BBOF1: variants seen among roughly 807,000 people sequenced by gnomAD.
BBOF1 encodes the protein basal body-orientation factor 1.
A neutral mutation model predicts 68.0 loss-of-function variants in BBOF1; 62 were observed. The observed-to-expected ratio is 0.91, with a 90% CI of 0.74 to 1.13. BBOF1 has a LOEUF of 1.13. Among genes scored for constraint, BBOF1 ranks in the 50% most tolerant of loss-of-function variants. The pLI is 0.00. For missense variants in BBOF1, 534 were observed against 600.1 expected (o/e 0.89, Z 1.15); for synonymous variants, 208 against 198.8 (o/e 1.05, Z -0.39).
intron 5 of BBOF1, among the ~76,000 whole-genome samples, chr14:74,041,852 C>A (rs1167725726): frequency 1.3e-5 from 2 of 152,168 alleles, no homozygotes; most frequent in Non-Finnish European, 2.9e-5. Context: ...GCCTGGCCAA[C>A]ATGGTGAAAC....
At position 74,019,431 on chromosome 14, in the gene BBOF1, C is replaced by CGCTG; in HGVS notation, c.-47_-46insCTGG. 1 of 1,574,628 alleles carries CGCTG rather than the reference C, an allele frequency of 6.4e-7. No homozygotes were observed. The highest frequency in any genetic ancestry group is 1.2e-5 in the South Asian group (1 of 86,236). ...CCCTTGGAGACAGAGCTGGCCAGGGCGGCCGCGGCTGGGCAACTACGACAG... is the reference window on the plus strand; with the variant it reads ...CCCTTGGAGACAGAGCTGGCCAGGGCGCTGGGCCGCGGCTGGGCAACTACGACAG... On this transcript the variant is annotated 5_prime_UTR_variant, in exon 1 of 12. Transcript: ENST00000394009.
chr14:74,075,104 A>C, intron 9 of BBOF1: 2 of 1,202,552 alleles, frequency 1.7e-6, no homozygotes, highest in Non-Finnish European at 2.4e-6. Flanking sequence ...GCTATTTGCT[A>C]TAGTATATAG....
At chr14:74,045,948 C>A in intron 5 of BBOF1, 112 bp from the exon 6 acceptor site, 1 of 860,640 alleles carries the variant, frequency 1.2e-6, no homozygotes, top group Non-Finnish European at 1.8e-6. Flanking sequence ...GGAGTTCTTT[C>A]AGGTCATGGG....
rs1016887968 is a variant in BBOF1, at chr14:74,074,104, C to T, written n.1380-4092C>T. ...GGCTCAAGCAGTCCCTCTACCTCAC[C>T]CTCCCAGGCAGCTGGGACCATAGGT... On this transcript the variant is annotated intron_variant and non_coding_transcript_variant, in intron 9 of 12. Transcript: ENST00000492026. Among the ~76,000 whole-genome samples, 12 of 151,370 alleles carry T rather than the reference C, an allele frequency of 7.9e-5. 1 individual carries two copies. The South Asian group carries it at 2.3e-3, about 29-fold the overall frequency.
At chr14:74,056,188 C>T (rs1031738806) in intron 9 of BBOF1, among the ~76,000 whole-genome samples, 13 of 148,136 alleles carry the variant, frequency 8.8e-5, no homozygotes, top group Non-Finnish European at 1.2e-4. Flanking sequence ...TGTGCCACAA[C>T]GCCCGGCTAA....
chr14:74,023,183 C>T, intron 2 of BBOF1, 39 bp downstream of exon 2: 2 of 1,171,144 alleles, frequency 1.7e-6, no homozygotes, highest in South Asian at 1.4e-5. Context: ...CATTAACTAC[C>T]TCTATGGTGA....
At chr14:74,069,832 T>G (rs187121161), downstream of BBOF1, among the ~76,000 whole-genome samples, 54 of 151,642 alleles carry the variant, frequency 3.6e-4, no homozygotes, top group African/African-American at 1.0e-3. Context: ...ATTCCAGAAT[T>G]TCTACTTCTA....
intron 10 of BBOF1, 76 bp downstream of exon 10, chr14:74,057,056 T>C: frequency 6.3e-7 from 1 of 1,592,830 alleles, no homozygotes; most frequent in East Asian, 2.2e-5. Context: ...ATGTGCTAAT[T>C]GAAAGTAATA....
downstream of BBOF1, chr14:74,068,991 G>A (rs1312073760): frequency 1.2e-6 from 2 of 1,606,370 alleles, no homozygotes; most frequent in South Asian, 2.2e-5. Context: ...GCTTTAAGAA[G>A]AAAATAAATG....
At chr14:74,072,088 G>C (rs1322049624) in intron 9 of BBOF1, 15 of 1,569,384 alleles carry the variant, frequency 9.6e-6, no homozygotes, top group Non-Finnish European at 1.2e-5. Context: ...AGAGAGTCAT[G>C]ATCAACGTCT....
exon 13 of BBOF1, chr14:74,082,814 ATCAGAAAATAC>A (rs2060684057): frequency 6.6e-6 from 1 of 152,182 alleles, no homozygotes; most frequent in African/African-American, 2.4e-5. Flanking sequence ...CTCCAAATGA[ATCAGAAAATAC>A]ATAGTGTCTG....
Position 74,020,142 on chromosome 14 carries a change from A to G in BBOF1, c.56+608A>G, listed in dbSNP as rs551152648. Among the ~76,000 whole-genome samples the G allele has an allele frequency of 2.0e-5, 3 of 152,360 alleles. No individual in the cohort carries two copies. In the South Asian group the frequency reaches 6.2e-4, roughly 32 times the overall value. ...TCATTATCCAAAAATAAACACTACTATATTTTGGAGTATTCTTTTTTAATA... is the reference window on the plus strand; with the variant it reads ...TCATTATCCAAAAATAAACACTACTGTATTTTGGAGTATTCTTTTTTAATA... On this transcript the variant is annotated intron_variant, in intron 1 of 11. Transcript: ENST00000394009.
At chr14:74,063,493 T>C (rs1466268592) in intron 11 of BBOF1, among the ~76,000 whole-genome samples, 1 of 152,008 alleles carries the variant, frequency 6.6e-6, no homozygotes, top group Non-Finnish European at 1.5e-5. Flanking sequence ...CCAATAGTGA[T>C]AATTCAGTCC....
chr14:74,079,529 G>A (rs2060650851), intron 10 of BBOF1, among the ~76,000 whole-genome samples: 1 of 151,486 alleles, frequency 6.6e-6, no homozygotes. Flanking sequence ...CGCCTCCTGG[G>A]TTCACACCTT....
chr14:74,069,016 A>G (rs1196723833), downstream of BBOF1: 2 of 1,608,804 alleles, frequency 1.2e-6, no homozygotes, highest in Admixed American at 1.7e-5. Flanking sequence ...CTCACAAAGG[A>G]GCAAATGGAT....
intron 4 of BBOF1, among the ~76,000 whole-genome samples, chr14:74,038,815 G>C (rs1009764395): frequency 1.3e-5 from 2 of 151,914 alleles, no homozygotes; most frequent in African/African-American, 4.8e-5. Context: ...ACCAGCCTAG[G>C]CAACGTGGCA....
intron 9 of BBOF1, chr14:74,072,598 A>T (rs1264809254): frequency 6.2e-7 from 1 of 1,613,826 alleles, no homozygotes; most frequent in Non-Finnish European, 8.5e-7. Context: ...ACCAATGAAG[A>T]GCTTTACAGT....
intron 12 of BBOF1, among the ~76,000 whole-genome samples, chr14:74,082,128 G>T (rs901213871): frequency 1.3e-5 from 2 of 152,236 alleles, no homozygotes; most frequent in South Asian, 4.1e-4. Flanking sequence ...TCACTTCAGC[G>T]TGGGAGGTCG....
At chr14:74,020,059 C>T (rs769343934) in intron 1 of BBOF1, among the ~76,000 whole-genome samples, 1 of 152,180 alleles carries the variant, frequency 6.6e-6, no homozygotes, top group Non-Finnish European at 1.5e-5. Context: ...ATGCTCAATA[C>T]AGAAAGTTTG....
Sources: gnomAD v4.1 joint callset for allele counts (sites outside exome capture counted in the v4.1 genomes callset) on GRCh38, gnomAD v4.1.1 for gene constraint, MANE v1.5 for transcripts, NCBI Gene and HGNC (gene_info 2026-07-23, HGNC 2026-07-21) for gene names.